LEMD3: variants seen among roughly 807,000 people sequenced by gnomAD.
LEMD3 encodes the protein LEM domain containing 3.
In LEMD3, 33 loss-of-function variants were observed where a neutral mutation model predicts 95.2. The ratio of observed to expected loss-of-function variants is 0.35; its 90% CI spans 0.26 to 0.46. The LOEUF (loss-of-function observed/expected upper bound fraction) is 0.46. LEMD3 is among the 20% of genes least tolerant of loss of function. The pLI, the probability that LEMD3 is intolerant of heterozygous loss-of-function variation, is 1.00. For missense variants in LEMD3, 1,210 were observed against 1,192.8 expected (o/e 1.01, Z -0.21); for synonymous variants, 525 against 474.6 (o/e 1.11, Z -1.38).
At chr12:65,174,650 G>T (rs1207431908) in intron 1 of LEMD3, among the ~76,000 whole-genome samples, 1 of 152,054 alleles carries the variant, frequency 6.6e-6, no homozygotes, top group East Asian at 1.9e-4. Flanking sequence ...ATCTCTGTGT[G>T]TGTGTGTGTA....
At chr12:65,206,462 T>G (rs976393279) in intron 1 of LEMD3, among the ~76,000 whole-genome samples, 2 of 152,180 alleles carry the variant, frequency 1.3e-5, no homozygotes, top group Admixed American at 1.3e-4. Flanking sequence ...GTAACTAACA[T>G]AACACCTGGA....
At chr12:65,228,804 C>T (rs1433701058) in intron 4 of LEMD3, among the ~76,000 whole-genome samples, 1 of 152,178 alleles carries the variant, frequency 6.6e-6, no homozygotes, top group Non-Finnish European at 1.5e-5. Flanking sequence ...AATGAGCCAT[C>T]ACCTCAAACA....
At chr12:65,205,222 C>T (rs954477230) in intron 1 of LEMD3, among the ~76,000 whole-genome samples, 5 of 152,152 alleles carry the variant, frequency 3.3e-5, no homozygotes, top group Non-Finnish European at 1.5e-5. Context: ...CACCAGGTCC[C>T]TCCCTCAACA....
At position 65,172,649 on chromosome 12, in the gene LEMD3, T is replaced by A. The variant is rs866884142; in HGVS notation, c.1522+1531T>A. On this transcript the variant is annotated intron_variant, in intron 1 of 12. Transcript: ENST00000308330. ...GAAGTTAAACAAGTAAAAGTTCACA[T>A]AAATTAAATGACATTACCTATCAGC... Among the ~76,000 whole-genome samples, 4 of 151,852 alleles carry A rather than the reference T, an allele frequency of 2.6e-5. No homozygotes were observed. In the South Asian group the frequency reaches 8.3e-4, roughly 31 times the overall value.
chr12:65,204,000 T>C (rs567017803), intron 1 of LEMD3, among the ~76,000 whole-genome samples: 2 of 152,312 alleles, frequency 1.3e-5, no homozygotes, highest in South Asian at 4.1e-4. Flanking sequence ...TCCATGTTTT[T>C]ACTTTTAATC....
intron 1 of LEMD3, among the ~76,000 whole-genome samples, chr12:65,205,610 T>A (rs1438546485): frequency 6.6e-6 from 1 of 152,174 alleles, no homozygotes; most frequent in African/African-American, 2.4e-5. Context: ...CAGCATGGGA[T>A]TTTTGCCTCT....
At position 65,201,071 on chromosome 12, in the gene LEMD3, T is replaced by G. The variant is rs149643240; in HGVS notation, c.1523-9855T>G. On this transcript the variant is annotated intron_variant, in intron 1 of 12. Transcript: ENST00000308330. ...TGAAAAAACTATCTTTGCTCCATTA[T>G]ATTGCCTTTGTTCCTTTATCAAAGA... is the stretch of plus-strand genomic sequence containing the variant. Among the ~76,000 whole-genome samples, 43 of 152,300 alleles carry G rather than the reference T, an allele frequency of 2.8e-4. No individual in the cohort carries two copies. In the East Asian group the frequency reaches 8.3e-3, roughly 29 times the overall value.
At chr12:65,177,860 A>G (rs1299525713) in intron 1 of LEMD3, among the ~76,000 whole-genome samples, 1 of 146,710 alleles carries the variant, frequency 6.8e-6, no homozygotes, top group Admixed American at 6.8e-5. Context: ...TTTTTTCAAT[A>G]TGAGACAGGG....
chr12:65,176,431 T>C (rs1868722297), intron 1 of LEMD3, among the ~76,000 whole-genome samples: 2 of 152,234 alleles, frequency 1.3e-5, no homozygotes, highest in South Asian at 4.1e-4. Flanking sequence ...GATTCATTCT[T>C]AAACATGTCA....
Position 65,237,292 on chromosome 12 carries a change from T to C in LEMD3, c.1696-1210T>C, listed in dbSNP as rs186848857. On this transcript the variant is annotated intron_variant, in intron 4 of 12. Transcript: ENST00000308330. ...TTAATAAAAGGTGACTGGATTCTTA[T>C]CTGCTTCTTTATTCAATCTGTCATG... Among the ~76,000 whole-genome samples, 9 of 152,340 alleles carry C rather than the reference T, an allele frequency of 5.9e-5. No homozygotes were observed. In the East Asian group the frequency reaches 1.3e-3, roughly 23 times the overall value.
intron 1 of LEMD3, among the ~76,000 whole-genome samples, chr12:65,203,903 A>C (rs982860209): frequency 6.6e-6 from 1 of 152,128 alleles, no homozygotes. Context: ...GTCACTGATA[A>C]CTTTTCTTGC....
intron 10 of LEMD3, among the ~76,000 whole-genome samples, chr12:65,244,520 T>G (rs953604893): frequency 3.9e-5 from 6 of 152,166 alleles, no homozygotes; most frequent in Non-Finnish European, 7.4e-5. Flanking sequence ...CAGAAACACC[T>G]TAAAACTGTC....
At chr12:65,180,989 A>ACACACACACACACACACACACACACACAC (rs150665517) in intron 1 of LEMD3, among the ~76,000 whole-genome samples, 1 of 149,178 alleles carries the variant, frequency 6.7e-6, no homozygotes. Context: ...TATGTACACA[A>ACACACACACACACACACACACACACACAC]ACACACACAC....
At chr12:65,197,552 T>C (rs1869469710) in intron 1 of LEMD3, among the ~76,000 whole-genome samples, 2 of 152,134 alleles carry the variant, frequency 1.3e-5, no homozygotes, top group Admixed American at 6.6e-5. Flanking sequence ...TAAATTGTTA[T>C]TTTACCAAGT....
At chr12:65,201,309 A>G (rs1869593809) in intron 1 of LEMD3, among the ~76,000 whole-genome samples, 1 of 152,166 alleles carries the variant, frequency 6.6e-6, no homozygotes, top group Non-Finnish European at 1.5e-5. Flanking sequence ...AAACCTTAGA[A>G]TCAGTTTAAC....
chr12:65,172,735 T>G (rs1030988921), intron 1 of LEMD3, among the ~76,000 whole-genome samples: 1 of 151,658 alleles, frequency 6.6e-6, no homozygotes, highest in Non-Finnish European at 1.5e-5. Context: ...CTTTTCTTTT[T>G]TTTTTTTTTT....
intron 4 of LEMD3, among the ~76,000 whole-genome samples, chr12:65,232,574 A>G (rs1341199730): frequency 2.0e-5 from 3 of 152,184 alleles, no homozygotes; most frequent in African/African-American, 7.2e-5. Context: ...AAACTTAATA[A>G]CTAATTTAAA....
In LEMD3 at chr12:65,238,795, A is replaced by G. The variant is rs778009960; in HGVS notation, c.1902A>G (p.Arg634=). 1 of 1,614,036 alleles carries G rather than the reference A, an allele frequency of 6.2e-7. No homozygotes were observed. The highest frequency in any genetic ancestry group is 1.1e-5 in the South Asian group (1 of 91,082). Residue 634 remains arginine (R), a synonymous_variant, in exon 6 of 13, where the codon AGA becomes AGG. Transcript: ENST00000308330. Reference sequence around the variant, plus strand: ...GTGCTTTTGTTACTGTAACTCACAGATTATTGTTGTTATGCTTAGGTAAGT... The same window carrying G: ...GTGCTTTTGTTACTGTAACTCACAGGTTATTGTTGTTATGCTTAGGTAAGT... ...FRRAFVTVTH[R]LLLLCLGVVM... is the part of the protein sequence containing the mutation.
At position 65,169,647 on chromosome 12, in the gene LEMD3, T is replaced by A; in HGVS notation, c.51T>A (p.Leu17=). 6.3e-7 allele frequency: 1 copy of A among 1,587,488 alleles called. No homozygotes were observed. The highest frequency in any genetic ancestry group is 1.1e-5 in the South Asian group (1 of 87,488). Residue 17 remains leucine (L), a synonymous_variant, in exon 1 of 13, where the codon CTT becomes CTA. Transcript: ENST00000308330. ...SAPQQLSDEE[L]FSQLRRYGLS... ...CTCAGCAGCTCTCGGATGAGGAGCT[T>A]TTCTCTCAGCTCCGCCGTTACGGCC...
Sources: allele counts gnomAD v4.1 joint callset (sites outside exome capture counted in the v4.1 genomes callset), GRCh38; gene constraint gnomAD v4.1.1; transcripts MANE v1.5; gene names NCBI Gene and HGNC (gene_info 2026-07-23, HGNC 2026-07-21).